The following KIAA1671 variants were observed in gnomAD, a reference collection of about 807,000 sequenced individuals.
KIAA1671 encodes KIAA1671.
KIAA1671 carries 52 observed loss-of-function variants against 131.2 expected under a neutral mutation model. The ratio of observed to expected loss-of-function variants is 0.40; its 90% CI spans 0.32 to 0.50. KIAA1671 has a LOEUF of 0.50. KIAA1671 is among the 20% of genes least tolerant of loss of function. The pLI, the probability that KIAA1671 is intolerant of heterozygous loss-of-function variation, is 0.73. For synonymous variants in KIAA1671, 1,003 were observed against 961.6 expected (o/e 1.04, Z -0.80); for missense variants, 2,360 against 2,364.2 (o/e 1.00, Z 0.04).
rs71191028 is a variant in KIAA1671, at chr22:25,093,768, GTCTCTCTCTCTCTCTCTC to G, written c.4530+44430_4530+44447del. On this transcript the variant is annotated intron_variant, in intron 6 of 12. Transcript: ENST00000358431. ...TCTCTCTCTCTCTCTCTCTCTCTCT[GTCTCTCTCTCTCTCTCTC>G]TCTCTCTCTCTCTCTCTCTCTCTCT... Among the ~76,000 whole-genome samples the G allele has an allele frequency of 2.6e-4, 16 of 60,736 alleles. 1 individual carries two copies. The highest frequency in any genetic ancestry group is 7.0e-4 in the African/African-American group (7 of 9,996). The allele number at this position is 60,736 out of a possible 152,430, so 39.8% of individuals were successfully genotyped here. A position where few individuals can be genotyped will look rare whatever the true frequency, so the allele number is the denominator to read the frequency against.
chr22:25,110,258 C>T (rs953581314), intron 6 of KIAA1671: 1 of 152,214 alleles, frequency 6.6e-6, no homozygotes, highest in African/African-American at 2.4e-5. Context: ...TCAAGTGAGG[C>T]CCTTTGACCA....
At chr22:25,069,254 C>G (rs955976847) in intron 6 of KIAA1671, among the ~76,000 whole-genome samples, 9 of 152,042 alleles carry the variant, frequency 5.9e-5, no homozygotes, top group Non-Finnish European at 1.2e-4. Context: ...TCCTCAAAGC[C>G]CTGAACACAG....
At chr22:24,956,570 G>C (rs1365387791) in intron 1 of KIAA1671, among the ~76,000 whole-genome samples, 1 of 152,188 alleles carries the variant, frequency 6.6e-6, no homozygotes, top group Non-Finnish European at 1.5e-5. Context: ...GCAGATAGAA[G>C]GGAGGGAGCC....
chr22:25,008,195 C>A (rs986552265), intron 1 of KIAA1671, among the ~76,000 whole-genome samples: 1 of 32,830 alleles, frequency 3.0e-5, no homozygotes, highest in Non-Finnish European at 5.9e-5. Flanking sequence ...GAGACTCCGT[C>A]GCAAAAAAAA....
intron 3 of KIAA1671, among the ~76,000 whole-genome samples, chr22:25,029,991 G>T (rs1048235774): frequency 6.6e-6 from 1 of 152,184 alleles, no homozygotes; most frequent in African/African-American, 2.4e-5. Context: ...AAACTCAGAG[G>T]AGTCAAGGTA....
chr22:25,163,284 G>GT (rs1933511999), intron 6 of KIAA1671, among the ~76,000 whole-genome samples: 2 of 143,534 alleles, frequency 1.4e-5, no homozygotes, highest in Admixed American at 1.4e-4. Context: ...GCCGTTGACA[G>GT]TGTCACTGCA....
intron 6 of KIAA1671, among the ~76,000 whole-genome samples, chr22:25,071,544 T>C (rs1320071239): frequency 6.9e-6 from 1 of 145,004 alleles, no homozygotes; most frequent in Non-Finnish European, 1.5e-5. Context: ...AAATAATGCA[T>C]GTGCATGGTA....
chr22:25,152,427 G>A (rs1933075264), intron 6 of KIAA1671, among the ~76,000 whole-genome samples: 1 of 140,534 alleles, frequency 7.1e-6, no homozygotes, highest in African/African-American at 2.7e-5. Flanking sequence ...GAGCACATGT[G>A]TACACACAAA....
At chr22:25,142,165 A>AT (rs1160768712) in intron 6 of KIAA1671, among the ~76,000 whole-genome samples, 2 of 152,126 alleles carry the variant, frequency 1.3e-5, no homozygotes, top group Non-Finnish European at 2.9e-5. Context: ...CCACACTAGC[A>AT]TCCTAGGGGT....
Position 25,041,213 on chromosome 22 carries a change from G to A in KIAA1671, c.4083G>A (p.Arg1361=). 1 of 1,551,736 alleles carries A rather than the reference G, an allele frequency of 6.4e-7. No homozygotes were observed. Among genetic ancestry groups the A allele is most frequent in the Non-Finnish European group, 8.7e-7 (1 of 1,146,998 alleles). ...SGREDPGSGV[R]VSPKSPPTDQ... is the part of the protein sequence containing the mutation. ...GGGAGGATCCAGGCAGTGGGGTCAG[G>A]GTGTCACCCAAATCGCCCCCCACTG... Residue 1361 remains arginine (R), a synonymous_variant, in exon 5 of 13, where the codon AGG becomes AGA. Coordinates refer to ENST00000358431, the MANE Select transcript of KIAA1671 (RefSeq NM_001145206.2).
intron 1 of KIAA1671, among the ~76,000 whole-genome samples, chr22:25,000,803 C>T (rs1268039956): frequency 6.7e-6 from 1 of 149,174 alleles, no homozygotes; most frequent in African/African-American, 2.4e-5. Flanking sequence ...CAGGAATGAG[C>T]CACTGCACCT....
At chr22:25,001,257 G>A (rs1442756871) in intron 1 of KIAA1671, among the ~76,000 whole-genome samples, 2 of 151,782 alleles carry the variant, frequency 1.3e-5, no homozygotes, top group African/African-American at 4.8e-5. Context: ...GTGTGTATGT[G>A]TGTGTATATA....
rs796845496 is a variant in KIAA1671, at chr22:25,040,501, T to C, written c.3371T>C (p.Ile1124Thr). 26 of 1,551,672 alleles carry C rather than the reference T, an allele frequency of 1.7e-5. No homozygotes were observed. In the Admixed American group the frequency reaches 3.5e-4, roughly 21 times the overall value. ...AWSLDPFNGR[I>T]IDVDALWSHR... Reference sequence around the variant, plus strand: ...AGTCTGGACCCTTTCAATGGAAGAATCATTGATGTGGATGCCTTATGGAGT... The same window carrying C: ...AGTCTGGACCCTTTCAATGGAAGAACCATTGATGTGGATGCCTTATGGAGT... The change falls in exon 5 of 13, where the codon ATC (isoleucine) becomes ACC (threonine). Residue 1124 changes from isoleucine to threonine, a missense_variant. Physicochemically the swap from Ile to Thr is moderately conservative, Grantham distance 89. Coordinates refer to ENST00000358431, the MANE Select transcript of KIAA1671 (RefSeq NM_001145206.2).
chr22:25,093,822 CTTTCTCTCTCTG>C lies in KIAA1671; in HGVS notation c.4530+44460_4530+44471del, dbSNP rs1568951508. Among the ~76,000 whole-genome samples, 37 of 76,846 alleles carry C rather than the reference CTTTCTCTCTCTG, an allele frequency of 4.8e-4. 7 individuals carry two copies. The highest frequency in any genetic ancestry group is 1.5e-3 in the South Asian group (3 of 2,054). 50.4% of individuals were successfully genotyped at this position (76,846 alleles called of 152,430 possible). On this transcript the variant is annotated intron_variant, in intron 6 of 12. Transcript: ENST00000358431. ...TCTCTCTCTCTCTCTGTCTCTCTCT[CTTTCTCTCTCTG>C]TCTGTCTCTCTCTCTCTCTCTCTCT...
At chr22:25,141,564 T>C (rs2145961495) in intron 6 of KIAA1671, among the ~76,000 whole-genome samples, 1 of 152,250 alleles carries the variant, frequency 6.6e-6, no homozygotes, top group African/African-American at 2.4e-5. Flanking sequence ...TATTAATATA[T>C]GTATCTTTAT....
chr22:24,969,720 A>G (rs1484311006), intron 1 of KIAA1671, among the ~76,000 whole-genome samples: 1 of 152,226 alleles, frequency 6.6e-6, no homozygotes, highest in East Asian at 1.9e-4. Flanking sequence ...CTTGGGGCAC[A>G]TGTAGAATGT....
intron 1 of KIAA1671, among the ~76,000 whole-genome samples, chr22:24,984,085 G>A (rs1923380955): frequency 6.6e-6 from 1 of 152,050 alleles, no homozygotes; most frequent in Admixed American, 6.6e-5. Context: ...GCCGGTGTTT[G>A]GATTTAACTC....
Position 25,028,732 on chromosome 22 carries a change from G to A in KIAA1671, c.733G>A (p.Ala245Thr). 1.7e-5 allele frequency: 27 copies of A among 1,551,256 alleles called. No individual in the cohort carries two copies. Among genetic ancestry groups the A allele is most frequent in the Non-Finnish European group, 2.4e-5 (27 of 1,147,016 alleles). ...TCGCCTGAAGAGAAGGCCCGTGTCT[G>A]CCATTTTCACGGAGTCCATTCAGCC... ...RPRLKRRPVS[A>T]IFTESIQPQK... The change falls in exon 3 of 13, where the codon GCC becomes ACC. Residue 245 changes from alanine to threonine, a missense_variant. Transcript: ENST00000358431.
At chr22:25,181,647 C>T (rs1223559235) in intron 9 of KIAA1671, 52 bp from the exon 10 acceptor site, 1 of 1,547,932 alleles carries the variant, frequency 6.5e-7, no homozygotes, top group South Asian at 1.2e-5. Context: ...GCATGTAGGA[C>T]CTCAATACAT....
Sources: gnomAD v4.1 joint callset for allele counts (sites outside exome capture counted in the v4.1 genomes callset) on GRCh38, gnomAD v4.1.1 for gene constraint, MANE v1.5 for transcripts, NCBI Gene and HGNC (gene_info 2026-07-23, HGNC 2026-07-21) for gene names.